The following PLXDC2 variants were observed in gnomAD, a reference collection of about 807,000 sequenced individuals.
PLXDC2 encodes the protein plexin domain containing 2.
In PLXDC2, 40 loss-of-function variants were observed where a neutral mutation model predicts 68.9. The ratio of observed to expected loss-of-function variants is 0.58; its 90% CI spans 0.45 to 0.76. The LOEUF is 0.76. Among genes scored for constraint, PLXDC2 ranks in the 30% least tolerant of loss-of-function variants. The pLI is 0.00. For missense variants in PLXDC2, 644 were observed against 661.9 expected (o/e 0.97, Z 0.30); for synonymous variants, 243 against 234.2 (o/e 1.04, Z -0.34).
At chr10:20,113,326 C>T (rs146937323) in intron 4 of PLXDC2, among the ~76,000 whole-genome samples, 2 of 152,286 alleles carry the variant, frequency 1.3e-5, no homozygotes, top group Middle Eastern at 3.4e-3. Context: ...TCTAAACAAG[C>T]CTTCAAACCC....
chr10:20,069,032 A>C (rs963524391), intron 4 of PLXDC2, among the ~76,000 whole-genome samples: 1 of 152,186 alleles, frequency 6.6e-6, no homozygotes, highest in Non-Finnish European at 1.5e-5. Context: ...TAATTGAAAG[A>C]AATTCCATAG....
At chr10:20,021,933 G>A (rs1161022933) in intron 2 of PLXDC2, among the ~76,000 whole-genome samples, 6 of 152,040 alleles carry the variant, frequency 3.9e-5, no homozygotes, top group African/African-American at 4.8e-5. Flanking sequence ...TCCTGACCTC[G>A]TGATCCGCCC....
chr10:19,887,098 T>C (rs1309350669), intron 1 of PLXDC2, among the ~76,000 whole-genome samples: 1 of 152,126 alleles, frequency 6.6e-6, no homozygotes, highest in African/African-American at 2.4e-5. Flanking sequence ...AAACCACTAG[T>C]TAGGATATTG....
chr10:19,901,584 G>A (rs1378697131), intron 1 of PLXDC2, among the ~76,000 whole-genome samples: 1 of 152,074 alleles, frequency 6.6e-6, no homozygotes, highest in Non-Finnish European at 1.5e-5. Context: ...TTAATCCTTT[G>A]TCGGATGTAT....
intron 9 of PLXDC2, among the ~76,000 whole-genome samples, chr10:20,180,000 T>G (rs1193368414): frequency 6.6e-6 from 1 of 152,094 alleles, no homozygotes; most frequent in Non-Finnish European, 1.5e-5. Context: ...TAATTTTCAT[T>G]GCTTTCTGAA....
At chr10:19,871,811 G>T (rs1336093884) in intron 1 of PLXDC2, among the ~76,000 whole-genome samples, 2 of 151,392 alleles carry the variant, frequency 1.3e-5, no homozygotes, top group Non-Finnish European at 2.9e-5. Context: ...ACTTGAACCC[G>T]GGAGGCGGAG....
Position 20,279,921 on chromosome 10 carries a change from C to G in PLXDC2, c.*102C>G, listed in dbSNP as rs761555659. 19 of 838,670 alleles carry G rather than the reference C, an allele frequency of 2.3e-5. No individual in the cohort carries two copies. The highest frequency in any genetic ancestry group is 3.2e-5 in the Non-Finnish European group (16 of 507,522). 52.0% of individuals were successfully genotyped at this position (838,670 alleles called of 1,614,324 possible). A position where few individuals can be genotyped will look rare whatever the true frequency, so the allele number is the denominator to read the frequency against. Reference sequence around the variant, plus strand: ...ACAAACAAACACACACACAAACAAGCTCTAAGCTGCTGTAGCCTGAAGAAG... The same window carrying G: ...ACAAACAAACACACACACAAACAAGGTCTAAGCTGCTGTAGCCTGAAGAAG... On this transcript the variant is annotated 3_prime_UTR_variant, in exon 14 of 14. Transcript: ENST00000377252.
At chr10:20,123,847 G>T (rs1349124529) in intron 4 of PLXDC2, among the ~76,000 whole-genome samples, 1 of 151,930 alleles carries the variant, frequency 6.6e-6, no homozygotes, top group Non-Finnish European at 1.5e-5. Flanking sequence ...AAGAGGTTGG[G>T]GCATGGAAAT....
At chr10:20,138,326 T>C (rs186358626) in intron 4 of PLXDC2, among the ~76,000 whole-genome samples, 1 of 152,286 alleles carries the variant, frequency 6.6e-6, no homozygotes, top group Non-Finnish European at 1.5e-5. Context: ...TTAACTTGTT[T>C]ATGGGGATTG....
At chr10:19,876,023 G>A (rs192078272) in intron 1 of PLXDC2, among the ~76,000 whole-genome samples, 17 of 152,004 alleles carry the variant, frequency 1.1e-4, no homozygotes, top group Admixed American at 9.2e-4. Context: ...TTCTTCAGAC[G>A]GACTCCACAA....
chr10:20,212,448 G>A (rs1399553234), intron 10 of PLXDC2, among the ~76,000 whole-genome samples: 3 of 152,098 alleles, frequency 2.0e-5, no homozygotes, highest in African/African-American at 4.8e-5. Context: ...AAGCTTTGCA[G>A]TGACTCGCAT....
At chr10:20,224,176 G>A (rs1371493191) in intron 12 of PLXDC2, among the ~76,000 whole-genome samples, 1 of 151,964 alleles carries the variant, frequency 6.6e-6, no homozygotes, top group African/African-American at 2.4e-5. Flanking sequence ...ATTACGCCAT[G>A]TTGGCCAGGC....
intron 2 of PLXDC2, among the ~76,000 whole-genome samples, chr10:20,022,251 G>A (rs535898101): frequency 2.6e-5 from 4 of 152,298 alleles, no homozygotes; most frequent in African/African-American, 9.6e-5. Flanking sequence ...AGTGCTAGTT[G>A]CCAGTATTTT....
At chr10:19,873,422 T>TTG (rs1837578322) in intron 1 of PLXDC2, among the ~76,000 whole-genome samples, 1 of 149,530 alleles carries the variant, frequency 6.7e-6, no homozygotes, top group African/African-American at 2.5e-5. Flanking sequence ...TTTTTTTTTT[T>TTG]TTTTTTGAAC....
intron 1 of PLXDC2, among the ~76,000 whole-genome samples, chr10:19,917,670 T>C (rs77231643): frequency 0.014 from 2,204 of 152,318 alleles, 66 homozygotes; most frequent in African/African-American, 0.051. Context: ...AAGAAAGGGA[T>C]TCAGACAATA....
chr10:19,885,067 T>G (rs542595734), intron 1 of PLXDC2, among the ~76,000 whole-genome samples: 50 of 152,304 alleles, frequency 3.3e-4, no homozygotes, highest in African/African-American at 1.1e-3. Flanking sequence ...AGATGATATC[T>G]CATTGTGGTT....
chr10:20,215,378 G>T (rs942862612), intron 10 of PLXDC2, among the ~76,000 whole-genome samples: 1 of 152,076 alleles, frequency 6.6e-6, no homozygotes, highest in African/African-American at 2.4e-5. Flanking sequence ...AGTCTGAGAA[G>T]ACCAAGGCAG....
intron 13 of PLXDC2, among the ~76,000 whole-genome samples, chr10:20,256,542 A>G (rs1034352934): frequency 6.6e-6 from 1 of 152,324 alleles, no homozygotes; most frequent in African/African-American, 2.4e-5. Flanking sequence ...TTTCTTTTAC[A>G]AAAGTAAAAT....
chr10:20,245,865 G>C (rs1001894106), intron 13 of PLXDC2, among the ~76,000 whole-genome samples: 1 of 152,162 alleles, frequency 6.6e-6, no homozygotes, highest in Non-Finnish European at 1.5e-5. Flanking sequence ...TGAAGACTTA[G>C]CTTAAGTTAA....
Sources: allele counts gnomAD v4.1 joint callset (sites outside exome capture counted in the v4.1 genomes callset), GRCh38; gene constraint gnomAD v4.1.1; transcripts MANE v1.5; gene names NCBI Gene and HGNC (gene_info 2026-07-23, HGNC 2026-07-21).